Variants in ARHGAP17 observed in about 807,000 individuals in gnomAD.
ARHGAP17 encodes the protein Rho GTPase activating protein 17.
ARHGAP17 carries 57 observed loss-of-function variants against 99.5 expected under a neutral mutation model. The observed-to-expected ratio is 0.57, with a 90% CI of 0.46 to 0.71. ARHGAP17 has a LOEUF of 0.71. Ranked by LOEUF, ARHGAP17 falls within the 30% of genes least tolerant of loss-of-function variation. The pLI is 0.00. For missense variants in ARHGAP17, 1,000 were observed against 1,122.4 expected (o/e 0.89, Z 1.56); for synonymous variants, 417 against 429.6 (o/e 0.97, Z 0.36).
At chr16:24,954,507 A>G in intron 10 of ARHGAP17, 96 bp downstream of exon 10, 1 of 1,487,822 alleles carries the variant, frequency 6.7e-7, no homozygotes, top group Non-Finnish European at 9.0e-7. Flanking sequence ...TGTATAACTA[A>G]GCAGGGGTGG....
chr16:24,975,517 T>A (rs1325598971), intron 3 of ARHGAP17, among the ~76,000 whole-genome samples: 1 of 152,148 alleles, frequency 6.6e-6, no homozygotes, highest in Non-Finnish European at 1.5e-5. Flanking sequence ...GGGACAGAGC[T>A]TTGAGGCAAG....
rs745408015 is a variant in ARHGAP17 at position 24,970,511 on chromosome 16, G to A, written c.268C>T (p.Leu90=). ...EASTQLEDSL[L]GKMLETCGDA... ...TCTGAAGGCAGCAACTCTTACCCCAGGAGAGAGTCTTCCAGCTGAGTCGAT... is the reference window on the plus strand; with the variant it reads ...TCTGAAGGCAGCAACTCTTACCCCAAGAGAGAGTCTTCCAGCTGAGTCGAT... The change falls in exon 4 of 20, where the codon CTG becomes TTG. Residue 90 remains leucine, a synonymous_variant. Transcript: ENST00000289968. The A allele has an allele frequency of 6.2e-7, 1 of 1,614,038 alleles. No individual in the cohort carries two copies. The highest frequency in any genetic ancestry group is 1.7e-5 in the Admixed American group (1 of 60,012).
chr16:24,961,743 A>T (rs2052008543), intron 7 of ARHGAP17, among the ~76,000 whole-genome samples: 1 of 150,954 alleles, frequency 6.6e-6, no homozygotes, highest in Non-Finnish European at 1.5e-5. Context: ...CATGTTGGTC[A>T]GCCTGGTTTT....
At chr16:25,004,194 T>C (rs1320106758) in intron 1 of ARHGAP17, among the ~76,000 whole-genome samples, 1 of 152,048 alleles carries the variant, frequency 6.6e-6, no homozygotes, top group Non-Finnish European at 1.5e-5. Context: ...GAGGCCAAGA[T>C]GGGAGAGTTG....
chr16:24,938,773 G>GAAAAAAA (rs111587139), intron 17 of ARHGAP17, among the ~76,000 whole-genome samples: 31 of 80,316 alleles, frequency 3.9e-4, no homozygotes, highest in Admixed American at 6.0e-4. Flanking sequence ...CGCAGTCTCA[G>GAAAAAAA]AAAAAAAAAA....
At chr16:24,939,190 G>C (rs1392693886) in intron 17 of ARHGAP17, among the ~76,000 whole-genome samples, 174 bp downstream of exon 17, 1 of 152,226 alleles carries the variant, frequency 6.6e-6, no homozygotes, top group Non-Finnish European at 1.5e-5. Flanking sequence ...ATAAAAAGAA[G>C]CGAGCCATTC....
intron 9 of ARHGAP17, among the ~76,000 whole-genome samples, chr16:24,958,602 T>C (rs777732189): frequency 2.6e-4 from 40 of 152,220 alleles, no homozygotes; most frequent in Non-Finnish European, 5.1e-4. Context: ...GATCTGACTA[T>C]ATGGTCAGGC....
chr16:24,998,331 T>G (rs1375967631), intron 1 of ARHGAP17, among the ~76,000 whole-genome samples: 1 of 150,064 alleles, frequency 6.7e-6, no homozygotes, highest in Admixed American at 6.6e-5. Context: ...TGGAGGGAGG[T>G]GAAAGGTGCA....
chr16:24,968,293 T>A, intron 6 of ARHGAP17, 58 bp downstream of exon 6: 1 of 1,575,862 alleles, frequency 6.3e-7, no homozygotes, highest in Non-Finnish European at 8.7e-7. Context: ...CTGTCAGTGG[T>A]CTTCTCCCCC....
intron 1 of ARHGAP17, among the ~76,000 whole-genome samples, chr16:24,999,876 T>C (rs1459831649): frequency 2.6e-5 from 4 of 152,244 alleles, no homozygotes; most frequent in Admixed American, 2.6e-4. Flanking sequence ...AGCAGTGAAG[T>C]GAAGGCTAAC....
At position 24,994,783 on chromosome 16, in the gene ARHGAP17, C is replaced by A. The variant is rs117746274; in HGVS notation, c.54-15778G>T. ...ATCTCGGCAATATTACTTCAGGGAC[C>A]CTGTTCTTAACCACCTAATACACAC... On this transcript the variant is annotated intron_variant, in intron 1 of 19. Transcript: ENST00000289968. Among the ~76,000 whole-genome samples, 101 of 152,222 alleles carry A rather than the reference C, an allele frequency of 6.6e-4. 1 individual carries two copies. In the East Asian group the frequency reaches 0.018, roughly 28 times the overall value.
At chr16:24,961,213 AAAC>A (rs139723846) in intron 7 of ARHGAP17, among the ~76,000 whole-genome samples, 8,469 of 152,224 alleles carry the variant, frequency 0.056, 332 homozygotes, top group Middle Eastern at 0.13. Context: ...CTTGACAAAA[AAAC>A]AAGAAATTAG....
At chr16:24,980,539 C>A (rs1290684607) in intron 1 of ARHGAP17, among the ~76,000 whole-genome samples, 4 of 152,138 alleles carry the variant, frequency 2.6e-5, no homozygotes, top group Non-Finnish European at 5.9e-5. Flanking sequence ...CATATGCTAC[C>A]CTAGACCTTG....
chr16:24,938,109 TGCCA>T (rs1340299613), intron 17 of ARHGAP17, among the ~76,000 whole-genome samples: 1 of 152,190 alleles, frequency 6.6e-6, no homozygotes, highest in Non-Finnish European at 1.5e-5. Flanking sequence ...ACACCTGTAA[TGCCA>T]GCCTTTGGGA....
chr16:25,007,013 G>C (rs1014605753), intron 1 of ARHGAP17, among the ~76,000 whole-genome samples: 4 of 152,186 alleles, frequency 2.6e-5, no homozygotes, highest in African/African-American at 9.7e-5. Context: ...CAATATAACA[G>C]TGAATACCCA....
At chr16:25,013,548 G>A (rs78919353) in intron 1 of ARHGAP17, among the ~76,000 whole-genome samples, 9,523 of 152,018 alleles carry the variant, frequency 0.063, 896 homozygotes, top group African/African-American at 0.2. Context: ...TTGAGCCCAG[G>A]GAAGTCAAGG....
rs2051123944 is a variant in ARHGAP17 at position 24,935,781 on chromosome 16, C to T, written c.1725-142G>A. The T allele has an allele frequency of 3.4e-6, 3 of 880,998 alleles. No individual in the cohort carries two copies. In the East Asian group the frequency reaches 7.9e-5, roughly 23 times the overall value. The allele number at this position is 880,998 out of a possible 1,614,324, so 54.6% of individuals were successfully genotyped here. A position where few individuals can be genotyped will look rare whatever the true frequency, so the allele number is the denominator to read the frequency against. On this transcript the variant is annotated intron_variant, in intron 17 of 19. Transcript: ENST00000289968. ...GATCTGAAATTCTAACTAGCTCACA[C>T]TGGGCTTATAAAGCTAATGTTTACT... is the stretch of plus-strand genomic sequence containing the variant.
chr16:24,986,767 T>A (rs2141404288), intron 1 of ARHGAP17, among the ~76,000 whole-genome samples: 1 of 152,330 alleles, frequency 6.6e-6, no homozygotes, highest in Non-Finnish European at 1.5e-5. Flanking sequence ...GATAGCTAAC[T>A]TTTTAGAATC....
chr16:24,994,287 T>G (rs2053132295), intron 1 of ARHGAP17, among the ~76,000 whole-genome samples: 1 of 152,222 alleles, frequency 6.6e-6, no homozygotes, highest in South Asian at 2.1e-4. Context: ...ATCTGATTGC[T>G]TTTTAATGAG....
Sources: gnomAD v4.1 joint callset for allele counts (sites outside exome capture counted in the v4.1 genomes callset) on GRCh38, gnomAD v4.1.1 for gene constraint, MANE v1.5 for transcripts, NCBI Gene and HGNC (gene_info 2026-07-23, HGNC 2026-07-21) for gene names.